The following SPON1 variants were observed in gnomAD, a reference collection of about 807,000 sequenced individuals.
SPON1 encodes the protein spondin 1.
SPON1 carries 52 observed loss-of-function variants against 111.7 expected under a neutral mutation model. The ratio of observed to expected loss-of-function variants is 0.47; its 90% CI spans 0.37 to 0.59. SPON1 has a LOEUF of 0.59. Among genes scored for constraint, SPON1 ranks in the 20% least tolerant of loss-of-function variants. The probability of loss-of-function intolerance (pLI) is 0.00; values close to 1 mark genes in which losing one functional copy is unlikely to be tolerated. For missense variants in SPON1, 957 were observed against 1,068.5 expected (o/e 0.90, Z 1.46); for synonymous variants, 410 against 395.8 (o/e 1.04, Z -0.43).
intron 5 of SPON1, among the ~76,000 whole-genome samples, chr11:14,083,458 A>C (rs1848980317): frequency 6.6e-6 from 1 of 152,210 alleles, no homozygotes; most frequent in Non-Finnish European, 1.5e-5. Flanking sequence ...TGTTTTTTTA[A>C]AGGTTAATTA....
intron 2 of SPON1, among the ~76,000 whole-genome samples, chr11:14,027,627 T>C (rs916778119): frequency 6.6e-6 from 1 of 152,226 alleles, no homozygotes; most frequent in South Asian, 2.1e-4. Context: ...CATTCATTTG[T>C]CCATCCCTGA....
chr11:14,138,464 G>A (rs1048336284), intron 6 of SPON1, among the ~76,000 whole-genome samples: 2 of 152,120 alleles, frequency 1.3e-5, no homozygotes, highest in Non-Finnish European at 2.9e-5. Flanking sequence ...ATTATTGGCA[G>A]TAGTGACACT....
At chr11:14,000,663 C>G (rs1396517230) in intron 2 of SPON1, among the ~76,000 whole-genome samples, 1 of 152,008 alleles carries the variant, frequency 6.6e-6, no homozygotes, top group African/African-American at 2.4e-5. Context: ...CATTTTCCCC[C>G]CAAAGTCAGC....
intron 2 of SPON1, among the ~76,000 whole-genome samples, chr11:14,001,337 G>A (rs1184970447): frequency 1.3e-5 from 2 of 152,160 alleles, no homozygotes; most frequent in Non-Finnish European, 2.9e-5. Flanking sequence ...TTCTCACGGT[G>A]AAAATCAGAG....
At chr11:14,205,434 A>T (rs1185462754) in intron 6 of SPON1, among the ~76,000 whole-genome samples, 1 of 152,222 alleles carries the variant, frequency 6.6e-6, no homozygotes, top group Non-Finnish European at 1.5e-5. Context: ...GCAATTTGGC[A>T]TATTCCCAAA....
At chr11:14,232,423 A>G (rs1280459471) in intron 6 of SPON1, among the ~76,000 whole-genome samples, 1 of 152,106 alleles carries the variant, frequency 6.6e-6, no homozygotes, top group Non-Finnish European at 1.5e-5. Context: ...AGTCCTCACC[A>G]TCAGCCCCAG....
intron 5 of SPON1, among the ~76,000 whole-genome samples, chr11:14,091,835 G>A (rs905530017): frequency 1.3e-5 from 2 of 152,218 alleles, no homozygotes; most frequent in Non-Finnish European, 2.9e-5. Context: ...GCCCAGGCAG[G>A]GGAGGTGCCG....
intron 5 of SPON1, among the ~76,000 whole-genome samples, chr11:14,103,986 G>A (rs889274478): frequency 2.6e-5 from 4 of 151,932 alleles, no homozygotes; most frequent in African/African-American, 4.8e-5. Flanking sequence ...ATATCATTAT[G>A]CTCTCATTAT....
chr11:14,218,466 G>T (rs1390564641), intron 6 of SPON1, among the ~76,000 whole-genome samples: 1 of 152,184 alleles, frequency 6.6e-6, no homozygotes, highest in Non-Finnish European at 1.5e-5. Context: ...CTCCCTGAGG[G>T]CAGGAACAAC....
At chr11:14,088,885 C>T (rs1849028300) in intron 5 of SPON1, among the ~76,000 whole-genome samples, 1 of 151,656 alleles carries the variant, frequency 6.6e-6, no homozygotes, top group Non-Finnish European at 1.5e-5. Context: ...GTAAGTTGAT[C>T]TTCAATATCT....
intron 5 of SPON1, among the ~76,000 whole-genome samples, chr11:14,107,815 AG>A (rs1849197058): frequency 6.6e-6 from 1 of 152,152 alleles, no homozygotes; most frequent in African/African-American, 2.4e-5. Flanking sequence ...CCCAGAAAAG[AG>A]TAGCCAATGG....
chr11:14,047,685 G>C (rs187942395), intron 3 of SPON1, among the ~76,000 whole-genome samples: 5 of 152,176 alleles, frequency 3.3e-5, no homozygotes, highest in African/African-American at 4.8e-5. Flanking sequence ...TTGGATAAAA[G>C]GACAGAAGGG....
chr11:14,226,867 G>T (rs782599595), intron 6 of SPON1, among the ~76,000 whole-genome samples: 10 of 152,180 alleles, frequency 6.6e-5, no homozygotes, highest in Non-Finnish European at 1.2e-4. Flanking sequence ...CCATTGCACA[G>T]TCAGTGGCTG....
At chr11:14,133,181 G>A (rs1230752392) in intron 5 of SPON1, among the ~76,000 whole-genome samples, 3 of 152,154 alleles carry the variant, frequency 2.0e-5, no homozygotes, top group Non-Finnish European at 4.4e-5. Context: ...ATTTAATCAC[G>A]GTGAATCAAA....
At chr11:14,258,882 AAGCTGAGG>A (rs1849139848) in intron 11 of SPON1, among the ~76,000 whole-genome samples, 1 of 152,190 alleles carries the variant, frequency 6.6e-6, no homozygotes, top group African/African-American at 2.4e-5. Flanking sequence ...CTGGGGAGCT[AAGCTGAGG>A]AGCTGAGGTC....
At chr11:14,026,575 AG>A (rs1415674927) in intron 2 of SPON1, among the ~76,000 whole-genome samples, 1 of 152,140 alleles carries the variant, frequency 6.6e-6, no homozygotes, top group Non-Finnish European at 1.5e-5. Context: ...TCTCAAGGCG[AG>A]GGGGTGGGGG....
Position 13,973,103 on chromosome 11 carries a change from G to A in SPON1, c.239-9744G>A, listed in dbSNP as rs192855006. 1.2e-3 allele frequency among the ~76,000 whole-genome samples: 190 copies of A among 152,296 alleles called. 1 individual carries two copies. The highest frequency in any genetic ancestry group is 4.4e-3 in the African/African-American group (182 of 41,572). On this transcript the variant is annotated intron_variant, in intron 1 of 15. Transcript: ENST00000576479. ...CTTTCTCCAAATGACAGGGAGGATAGCTGCCAGCAACCTTCAGTGAAAATC... is the reference window on the plus strand; with the variant it reads ...CTTTCTCCAAATGACAGGGAGGATAACTGCCAGCAACCTTCAGTGAAAATC...
intron 6 of SPON1, among the ~76,000 whole-genome samples, chr11:14,186,454 T>C (rs1311945231): frequency 1.3e-5 from 2 of 152,170 alleles, no homozygotes; most frequent in African/African-American, 4.8e-5. Context: ...TGGGTGGACA[T>C]GCTAGGGATT....
chr11:14,043,892 C>T lies in SPON1; in HGVS notation c.479+2238C>T, dbSNP rs1848649469. Among the ~76,000 whole-genome samples the T allele has an allele frequency of 2.0e-5, 3 of 152,190 alleles. No individual in the cohort carries two copies. In the South Asian group the frequency reaches 6.2e-4, roughly 31 times the overall value. ...ACAAATGCAACTGAGCTTCTATTAG[C>T]CCAGGCATCCAGGATATACACAATG... On this transcript the variant is annotated intron_variant, in intron 3 of 15. Coordinates refer to ENST00000576479, the MANE Select transcript of SPON1 (RefSeq NM_006108.4).
Sources: gnomAD v4.1 joint callset for allele counts (sites outside exome capture counted in the v4.1 genomes callset) on GRCh38, gnomAD v4.1.1 for gene constraint, MANE v1.5 for transcripts, NCBI Gene and HGNC (gene_info 2026-07-23, HGNC 2026-07-21) for gene names.